ERBB4: variants seen among roughly 807,000 people sequenced by gnomAD.
ERBB4 encodes the protein receptor tyrosine-protein kinase erbB-4.
A neutral mutation model predicts 158.0 loss-of-function variants in ERBB4; 42 were observed. That is an observed-to-expected ratio of 0.27 (90% CI 0.21 to 0.34). The LOEUF (loss-of-function observed/expected upper bound fraction) is 0.34, where lower values mean the gene tolerates loss of function less well. ERBB4 is among the 10% of genes least tolerant of loss of function. The pLI is 1.00. For synonymous variants in ERBB4, 583 were observed against 558.7 expected, an observed-to-expected ratio of 1.04 and a Z score of -0.61; for missense variants, 1,333 against 1,624.1, an observed-to-expected ratio of 0.82 and a Z score of 3.08.
intron 1 of ERBB4, among the ~76,000 whole-genome samples, chr2:212,405,169 T>C (rs1330059898): frequency 6.6e-6 from 1 of 151,958 alleles, no homozygotes; most frequent in Non-Finnish European, 1.5e-5. Flanking sequence ...CATTAAAAAT[T>C]GGGCAAAGGA....
chr2:211,813,955 CA>C (rs1255003299), intron 3 of ERBB4, among the ~76,000 whole-genome samples: 6 of 151,666 alleles, frequency 4.0e-5, no homozygotes, highest in Admixed American at 1.3e-4. Context: ...TATAAAATGC[CA>C]AATATTGAAA....
intron 1 of ERBB4, among the ~76,000 whole-genome samples, chr2:212,497,949 G>A (rs896405343): frequency 6.6e-6 from 1 of 152,072 alleles, no homozygotes; most frequent in South Asian, 2.1e-4. Flanking sequence ...TACTAAATTT[G>A]TAACAATAAA....
intron 1 of ERBB4, among the ~76,000 whole-genome samples, chr2:212,411,030 A>T (rs2091482636): frequency 6.6e-6 from 1 of 151,952 alleles, no homozygotes; most frequent in Admixed American, 6.6e-5. Context: ...TTCAGTCTTA[A>T]AGGTATAATG....
chr2:211,574,242 G>A (rs751040513), intron 19 of ERBB4, among the ~76,000 whole-genome samples: 12 of 152,174 alleles, frequency 7.9e-5, no homozygotes, highest in South Asian at 2.1e-4. Context: ...CAGTTTTGCT[G>A]TCAGCACTTT....
Position 211,962,826 on chromosome 2 carries a change from A to G in ERBB4, c.235-15210T>C, listed in dbSNP as rs981476080. 1.6e-4 allele frequency among the ~76,000 whole-genome samples: 24 copies of G among 152,028 alleles called. 1 individual carries two copies. The highest frequency in any genetic ancestry group is 1.4e-3 in the Admixed American group (21 of 15,238). Reference sequence around the variant, plus strand: ...ATGACTGAGGTTTTTAGCTTGGGAGACTTGGTTGATGGCGCTTTAAAAAAA... The same window carrying G: ...ATGACTGAGGTTTTTAGCTTGGGAGGCTTGGTTGATGGCGCTTTAAAAAAA... On this transcript the variant is annotated intron_variant, in intron 2 of 27. Transcript: ENST00000342788.
At chr2:211,665,628 T>C (rs2071603086) in intron 14 of ERBB4, 151 bp from the exon 15 acceptor site, 1 of 743,810 alleles carries the variant, frequency 1.3e-6, no homozygotes, top group Non-Finnish European at 2.3e-6. Context: ...CAAATGTGGA[T>C]GTAATTTTTG....
At chr2:211,506,758 C>T (rs962810990) in intron 20 of ERBB4, among the ~76,000 whole-genome samples, 4 of 151,854 alleles carry the variant, frequency 2.6e-5, no homozygotes, top group African/African-American at 4.8e-5. Context: ...AAAAGTATTG[C>T]TAAGAGGAAA....
intron 2 of ERBB4, among the ~76,000 whole-genome samples, chr2:211,949,044 C>T (rs2080796230): frequency 6.6e-6 from 1 of 152,092 alleles, no homozygotes; most frequent in Admixed American, 6.6e-5. Context: ...AAATTTCAGT[C>T]ATCTTTGACT....
At chr2:212,325,015 A>T (rs1348370389) in intron 1 of ERBB4, among the ~76,000 whole-genome samples, 1 of 138,358 alleles carries the variant, frequency 7.2e-6, no homozygotes, top group Non-Finnish European at 1.7e-5. Context: ...ATTACAAGCA[A>T]CCCAAAAAAA....
chr2:211,886,319 C>T (rs1394929409), intron 3 of ERBB4, among the ~76,000 whole-genome samples: 1 of 152,134 alleles, frequency 6.6e-6, no homozygotes, highest in Non-Finnish European at 1.5e-5. Flanking sequence ...TATCTTCCCA[C>T]TAAAGTGTTC....
At chr2:211,881,602 C>CAGGGGGGGG (rs2078664523) in intron 3 of ERBB4, among the ~76,000 whole-genome samples, 1 of 137,060 alleles carries the variant, frequency 7.3e-6, no homozygotes, top group African/African-American at 2.8e-5. Context: ...GGGTGGGGGT[C>CAGGGGGGGG]GGGGGGGCTG....
chr2:212,062,980 A>G (rs943265545), intron 2 of ERBB4, among the ~76,000 whole-genome samples: 1 of 152,204 alleles, frequency 6.6e-6, no homozygotes, highest in African/African-American at 2.4e-5. Flanking sequence ...GTTATTGTGA[A>G]AATTGAATAA....
intron 25 of ERBB4, among the ~76,000 whole-genome samples, chr2:211,390,686 C>T (rs1408957038): frequency 2.6e-5 from 4 of 152,100 alleles, no homozygotes; most frequent in South Asian, 2.1e-4. Context: ...AGACATAAAG[C>T]GAGGCCATGC....
At chr2:212,203,262 A>G (rs1261197380) in intron 1 of ERBB4, among the ~76,000 whole-genome samples, 1 of 152,148 alleles carries the variant, frequency 6.6e-6, no homozygotes, top group Admixed American at 6.6e-5. Flanking sequence ...GTAAAAACCT[A>G]AAACCAGGGA....
intron 2 of ERBB4, among the ~76,000 whole-genome samples, chr2:211,967,057 C>T (rs1241615044): frequency 6.6e-6 from 1 of 152,018 alleles, no homozygotes; most frequent in Non-Finnish European, 1.5e-5. Flanking sequence ...CATTTATAAT[C>T]CTGAACCTCT....
chr2:212,068,208 AG>A (rs1302807022), intron 2 of ERBB4, among the ~76,000 whole-genome samples: 1 of 152,068 alleles, frequency 6.6e-6, no homozygotes, highest in Admixed American at 6.6e-5. Context: ...GTCTCTGTCC[AG>A]CCAGAACCAC....
At chr2:212,144,232 G>T (rs982530723) in intron 1 of ERBB4, among the ~76,000 whole-genome samples, 1 of 151,916 alleles carries the variant, frequency 6.6e-6, no homozygotes, top group Non-Finnish European at 1.5e-5. Flanking sequence ...ATTAATACAC[G>T]TATGACCCTC....
chr2:212,509,927 C>T (rs1310754783), intron 1 of ERBB4, among the ~76,000 whole-genome samples: 1 of 151,700 alleles, frequency 6.6e-6, no homozygotes, highest in African/African-American at 2.4e-5. Context: ...ACTTTCAATG[C>T]TTAATTAACA....
At chr2:211,764,299 A>G (rs183852977) in intron 4 of ERBB4, among the ~76,000 whole-genome samples, 249 of 152,338 alleles carry the variant, frequency 1.6e-3, no homozygotes, top group Middle Eastern at 3.4e-3. Context: ...CTGCATAGAC[A>G]TCTCTTGCAT....
Sources: allele counts gnomAD v4.1 joint callset (sites outside exome capture counted in the v4.1 genomes callset), GRCh38; gene constraint gnomAD v4.1.1; transcripts MANE v1.5; gene names NCBI Gene and HGNC (gene_info 2026-07-23, HGNC 2026-07-21).